Variants in ZNF385B observed in about 807,000 individuals in gnomAD.
The protein encoded by ZNF385B is zinc finger protein 533.
Under a neutral mutation model 39.2 loss-of-function variants are expected in ZNF385B, and 23 were observed. The observed-to-expected ratio is 0.59, with a 90% CI of 0.42 to 0.83. ZNF385B has a LOEUF of 0.83. Among genes scored for constraint, ZNF385B ranks in the 40% least tolerant of loss-of-function variants. The pLI is 0.00. For missense variants in ZNF385B, 552 were observed against 598.9 expected, an observed-to-expected ratio of 0.92 and a Z score of 0.82; for synonymous variants, 205 against 222.6, an observed-to-expected ratio of 0.92 and a Z score of 0.70.
At chr2:179,793,399 T>C (rs1486710489) in intron 1 of ZNF385B, among the ~76,000 whole-genome samples, 2 of 152,160 alleles carry the variant, frequency 1.3e-5, no homozygotes, top group African/African-American at 4.8e-5. Context: ...CCTGCCCAAA[T>C]CTACTGAATT....
chr2:179,445,714 T>C lies in ZNF385B; in HGVS notation c.976A>G (p.Thr326Ala). The change falls in exon 8 of 10, where the codon ACC becomes GCC. Residue 326 changes from threonine to alanine, a missense_variant. Physicochemically the swap from Thr to Ala is moderately conservative, Grantham distance 58. Coordinates refer to ENST00000410066, the MANE Select transcript of ZNF385B (RefSeq NM_152520.6). ...EAHNTGSKHK[T>A]MVEARNGAGP... ...GCCCCATTACGAGCTTCAACCATGG[T>C]CTTGTGTTTAGATCCTAAGACAGAA... The C allele has an allele frequency of 6.2e-7, 1 of 1,611,264 alleles. No homozygotes were observed. Among genetic ancestry groups the C allele is most frequent in the Non-Finnish European group, 8.5e-7 (1 of 1,179,062 alleles).
chr2:179,448,100 C>G (rs778961427), intron 6 of ZNF385B, among the ~76,000 whole-genome samples: 29 of 150,314 alleles, frequency 1.9e-4, no homozygotes, highest in Admixed American at 4.7e-4. Flanking sequence ...CTTTTTTATT[C>G]TTAGGTTGCA....
chr2:179,786,620 G>C lies in ZNF385B; in HGVS notation c.-154-15948C>G, dbSNP rs959751547. On this transcript the variant is annotated intron_variant, in intron 1 of 9. Transcript: ENST00000410066. The stretch of plus-strand genomic sequence containing the variant: ...TTGTCCCAAATACCTTCAGATGTAA[G>C]AGGCTTAGGGACCACCTAAAACCAC... Among the ~76,000 whole-genome samples the C allele has an allele frequency of 2.0e-5, 3 of 151,802 alleles. No homozygotes were observed. In the South Asian group the frequency reaches 6.2e-4, roughly 32 times the overall value.
At position 179,853,618 on chromosome 2, in the gene ZNF385B, C is replaced by T. The variant is rs114114929; in HGVS notation, c.-155+7483G>A. On this transcript the variant is annotated intron_variant, in intron 1 of 9. Coordinates refer to ENST00000410066, the MANE Select transcript of ZNF385B (RefSeq NM_152520.6). ...ACTGAAGGTTTAAAAGTCAGAGTTG[C>T]ACAAGTTATCTTGGCAAAGAAATCA... Among the ~76,000 whole-genome samples, 1,245 of 152,244 alleles carry T rather than the reference C, an allele frequency of 8.2e-3. 16 individuals are homozygous for T. The highest frequency in any genetic ancestry group is 0.028 in the African/African-American group (1,164 of 41,534).
intron 3 of ZNF385B, among the ~76,000 whole-genome samples, chr2:179,750,842 T>C (rs999485998): frequency 1.3e-5 from 2 of 152,138 alleles, no homozygotes; most frequent in African/African-American, 2.4e-5. Context: ...ACATTCACCA[T>C]GGTAATTATA....
chr2:179,731,041 C>A lies in ZNF385B; in HGVS notation c.298+38462G>T, dbSNP rs577916116. On this transcript the variant is annotated intron_variant, in intron 3 of 9. Transcript: ENST00000410066. ...CATAGATTAAGGCTTTGAAAATACA[C>A]ATTTACCTGACCAAAATGCAACTAT... 3.3e-5 allele frequency among the ~76,000 whole-genome samples: 5 copies of A among 152,282 alleles called. No homozygotes were observed. In the East Asian group the frequency reaches 9.7e-4, roughly 29 times the overall value.
chr2:179,632,991 A>C (rs542961984), intron 3 of ZNF385B, among the ~76,000 whole-genome samples: 13 of 152,328 alleles, frequency 8.5e-5, no homozygotes, highest in South Asian at 4.1e-4. Flanking sequence ...GACCCTCCCA[A>C]GACTAAACCA....
intron 1 of ZNF385B, among the ~76,000 whole-genome samples, chr2:179,822,696 C>T (rs991007035): frequency 3.3e-5 from 5 of 152,188 alleles, no homozygotes; most frequent in African/African-American, 1.2e-4. Context: ...TACACATCTC[C>T]CCCTTAAGTG....
At chr2:179,679,601 A>G (rs537918247) in intron 3 of ZNF385B, among the ~76,000 whole-genome samples, 30 of 150,376 alleles carry the variant, frequency 2.0e-4, no homozygotes, top group South Asian at 1.1e-3. Context: ...AACAGCTATT[A>G]TTGTTGTTGT....
intron 5 of ZNF385B, among the ~76,000 whole-genome samples, chr2:179,489,792 A>G (rs553753935): frequency 1.4e-4 from 21 of 152,354 alleles, no homozygotes; most frequent in African/African-American, 5.1e-4. Context: ...AAGGCCTGCA[A>G]TATCAGTAAT....
intron 1 of ZNF385B, among the ~76,000 whole-genome samples, chr2:179,771,345 T>A (rs181054757): frequency 6.6e-6 from 1 of 152,148 alleles, no homozygotes; most frequent in Non-Finnish European, 1.5e-5. Context: ...ATGTATAGTA[T>A]GCCAAAAAAT....
At chr2:179,639,249 A>AAAAAAAGG (rs71029824) in intron 3 of ZNF385B, among the ~76,000 whole-genome samples, 50 of 128,664 alleles carry the variant, frequency 3.9e-4, no homozygotes, top group South Asian at 5.4e-4. Context: ...AAAAAAAAAA[A>AAAAAAAGG]GGGGGAGAAA....
At chr2:179,720,035 T>G (rs1409175190) in intron 3 of ZNF385B, among the ~76,000 whole-genome samples, 1 of 152,198 alleles carries the variant, frequency 6.6e-6, no homozygotes, top group Non-Finnish European at 1.5e-5. Context: ...GGAGTTGTTT[T>G]CACAGTAAAC....
At chr2:179,728,372 T>C (rs1373365170) in intron 3 of ZNF385B, among the ~76,000 whole-genome samples, 1 of 152,124 alleles carries the variant, frequency 6.6e-6, no homozygotes, top group African/African-American at 2.4e-5. Context: ...TCTCAATTCC[T>C]TGTTTTGGAG....
At chr2:179,563,078 A>C (rs1475745412) in intron 3 of ZNF385B, among the ~76,000 whole-genome samples, 3 of 152,210 alleles carry the variant, frequency 2.0e-5, no homozygotes, top group African/African-American at 7.2e-5. Context: ...GGCAGATGTC[A>C]ATTTGATGTT....
chr2:179,764,025 G>GT (rs2106493307), intron 3 of ZNF385B, among the ~76,000 whole-genome samples: 1 of 152,176 alleles, frequency 6.6e-6, no homozygotes, highest in South Asian at 2.1e-4. Flanking sequence ...TGCTTATTTT[G>GT]TTTAATAATC....
At chr2:179,592,376 G>C (rs771524897) in intron 3 of ZNF385B, among the ~76,000 whole-genome samples, 1 of 152,158 alleles carries the variant, frequency 6.6e-6, no homozygotes, top group Non-Finnish European at 1.5e-5. Flanking sequence ...GCCTCAGTTA[G>C]CTGGATGGCT....
At chr2:179,840,447 A>T (rs1708481733) in intron 1 of ZNF385B, among the ~76,000 whole-genome samples, 4 of 152,220 alleles carry the variant, frequency 2.6e-5, no homozygotes, top group Admixed American at 2.6e-4. Context: ...TTGTTTGGAA[A>T]GATTTTTTTG....
intron 3 of ZNF385B, among the ~76,000 whole-genome samples, chr2:179,760,758 G>T (rs1240625614): frequency 6.6e-5 from 10 of 152,148 alleles, no homozygotes; most frequent in Non-Finnish European, 1.5e-4. Flanking sequence ...CTGAAGAAAA[G>T]ACATAGACAC....
Sources: gnomAD v4.1 joint callset for allele counts (sites outside exome capture counted in the v4.1 genomes callset) on GRCh38, gnomAD v4.1.1 for gene constraint, MANE v1.5 for transcripts, NCBI Gene and HGNC (gene_info 2026-07-23, HGNC 2026-07-21) for gene names.